The following IMMP2L variants were observed in gnomAD, a reference collection of about 807,000 sequenced individuals.
IMMP2L encodes mitochondrial inner membrane protease subunit 2.
Under a neutral mutation model 19.3 loss-of-function variants are expected in IMMP2L, and 18 were observed. The observed-to-expected ratio is 0.93, with a 90% CI of 0.64 to 1.38. The LOEUF (loss-of-function observed/expected upper bound fraction) is 1.38. Among genes scored for constraint, IMMP2L ranks in the 40% most tolerant of loss-of-function variants. The pLI is 0.00. For missense variants in IMMP2L, 233 were observed against 218.2 expected, an observed-to-expected ratio of 1.07 and a Z score of -0.43; for synonymous variants, 76 against 73.0, an observed-to-expected ratio of 1.04 and a Z score of -0.21.
At chr7:111,316,275 G>A (rs1414042812) in intron 3 of IMMP2L, among the ~76,000 whole-genome samples, 1 of 152,032 alleles carries the variant, frequency 6.6e-6, no homozygotes, top group Non-Finnish European at 1.5e-5. Context: ...AAAGAGTGGA[G>A]GATGTTAGAT....
At chr7:111,480,609 A>G (rs957788946) in intron 3 of IMMP2L, among the ~76,000 whole-genome samples, 1 of 149,532 alleles carries the variant, frequency 6.7e-6, no homozygotes, top group African/African-American at 2.5e-5. Flanking sequence ...AAAAAAAAAA[A>G]AAAAAAAAAA....
chr7:110,829,226 T>A (rs983819180), intron 5 of IMMP2L, among the ~76,000 whole-genome samples: 2 of 152,266 alleles, frequency 1.3e-5, no homozygotes, highest in Non-Finnish European at 2.9e-5. Flanking sequence ...AACTCCCCAA[T>A]CAGGTTAGAA....
chr7:111,134,517 A>G (rs112937308), intron 3 of IMMP2L, among the ~76,000 whole-genome samples: 1 of 152,172 alleles, frequency 6.6e-6, no homozygotes, highest in Non-Finnish European at 1.5e-5. Flanking sequence ...GCATTATGTC[A>G]CAGCATTTTT....
chr7:110,670,117 G>A (rs1030018900), intron 5 of IMMP2L, among the ~76,000 whole-genome samples: 2 of 152,056 alleles, frequency 1.3e-5, no homozygotes, highest in Non-Finnish European at 2.9e-5. Flanking sequence ...AGGCCTGAAG[G>A]CAACCGGATT....
chr7:110,975,515 T>A (rs1820597865), intron 3 of IMMP2L, among the ~76,000 whole-genome samples: 1 of 152,194 alleles, frequency 6.6e-6, no homozygotes, highest in Admixed American at 6.6e-5. Flanking sequence ...TCAATTGCTT[T>A]ATTACCTTAA....
intron 5 of IMMP2L, among the ~76,000 whole-genome samples, chr7:110,717,787 G>A (rs892088521): frequency 6.6e-6 from 1 of 152,168 alleles, no homozygotes; most frequent in Admixed American, 6.5e-5. Flanking sequence ...AGATTGAGAT[G>A]GATAGAGGAG....
intron 3 of IMMP2L, among the ~76,000 whole-genome samples, chr7:111,143,293 A>G (rs1044038752): frequency 2.0e-5 from 3 of 152,166 alleles, no homozygotes; most frequent in Non-Finnish European, 2.9e-5. Flanking sequence ...TTCTGAATAC[A>G]TATCTGAGGA....
intron 5 of IMMP2L, among the ~76,000 whole-genome samples, chr7:110,814,715 ATATG>A (rs1236609413): frequency 5.8e-4 from 87 of 148,856 alleles, no homozygotes; most frequent in Admixed American, 8.7e-4. Context: ...ATATATATAT[ATATG>A]TATATATATA....
At chr7:110,779,302 T>C (rs543309870) in intron 5 of IMMP2L, among the ~76,000 whole-genome samples, 7 of 152,112 alleles carry the variant, frequency 4.6e-5, no homozygotes, top group Admixed American at 4.6e-4. Flanking sequence ...AAGTTATTTT[T>C]ATATGCAATG....
At chr7:111,468,210 A>G (rs1840866487) in intron 3 of IMMP2L, among the ~76,000 whole-genome samples, 1 of 152,132 alleles carries the variant, frequency 6.6e-6, no homozygotes, top group African/African-American at 2.4e-5. Flanking sequence ...AATCTGCTAT[A>G]TTAGTTTCCA....
intron 3 of IMMP2L, among the ~76,000 whole-genome samples, chr7:111,134,940 GGGCCA>G (rs1259918287): frequency 1.3e-5 from 2 of 151,946 alleles, no homozygotes; most frequent in African/African-American, 2.4e-5. Flanking sequence ...TAATAGAAAA[GGGCCA>G]GGTAGCCTCT....
At chr7:111,128,305 T>C (rs2129592479) in intron 3 of IMMP2L, among the ~76,000 whole-genome samples, 1 of 152,312 alleles carries the variant, frequency 6.6e-6, no homozygotes, top group African/African-American at 2.4e-5. Context: ...TTTATCAGTG[T>C]TTTCACAAAT....
At chr7:111,443,678 A>C (rs1482636204) in intron 3 of IMMP2L, among the ~76,000 whole-genome samples, 2 of 152,180 alleles carry the variant, frequency 1.3e-5, no homozygotes, top group East Asian at 3.8e-4. Flanking sequence ...CACAACACTG[A>C]AAAGGTGCAA....
chr7:111,101,067 C>A (rs1797919061), intron 3 of IMMP2L, among the ~76,000 whole-genome samples: 1 of 151,518 alleles, frequency 6.6e-6, no homozygotes, highest in African/African-American at 2.4e-5. Context: ...TGCCTCCACA[C>A]CTGCTAGCAG....
intron 3 of IMMP2L, among the ~76,000 whole-genome samples, chr7:111,079,413 G>T (rs1301371353): frequency 1.3e-5 from 2 of 152,024 alleles, no homozygotes; most frequent in Non-Finnish European, 2.9e-5. Context: ...CACCGCGCCC[G>T]GCCTAATTTT....
At chr7:111,470,923 AG>A (rs1841201847) in intron 3 of IMMP2L, among the ~76,000 whole-genome samples, 2 of 151,792 alleles carry the variant, frequency 1.3e-5, no homozygotes, top group South Asian at 4.1e-4. Flanking sequence ...GGGCCAAAAA[AG>A]GAACCAGCAA....
chr7:110,804,065 A>T (rs1229898781), intron 5 of IMMP2L, among the ~76,000 whole-genome samples: 1 of 152,048 alleles, frequency 6.6e-6, no homozygotes, highest in African/African-American at 2.4e-5. Flanking sequence ...AATACTCTAC[A>T]TCTAACTTCT....
intron 3 of IMMP2L, among the ~76,000 whole-genome samples, chr7:111,401,967 A>C (rs1833459112): frequency 6.6e-6 from 1 of 151,768 alleles, no homozygotes; most frequent in African/African-American, 2.4e-5. Context: ...AATAGAAGCC[A>C]GGTAGGGTGG....
At chr7:110,893,181 C>A (rs1170362984) in intron 4 of IMMP2L, among the ~76,000 whole-genome samples, 1 of 152,112 alleles carries the variant, frequency 6.6e-6, no homozygotes, top group Non-Finnish European at 1.5e-5. Flanking sequence ...TCTAAAAATA[C>A]ATACCTTAAT....
Sources: gnomAD v4.1 joint callset for allele counts (sites outside exome capture counted in the v4.1 genomes callset) on GRCh38, gnomAD v4.1.1 for gene constraint, MANE v1.5 for transcripts, NCBI Gene and HGNC (gene_info 2026-07-23, HGNC 2026-07-21) for gene names.